The following HIF1A variants were observed in gnomAD, a reference collection of about 807,000 sequenced individuals.
HIF1A encodes the protein hypoxia-inducible factor 1-alpha.
In HIF1A, 24 loss-of-function variants were observed where a neutral mutation model predicts 92.7. The ratio of observed to expected loss-of-function variants is 0.26; its 90% CI spans 0.19 to 0.36. The LOEUF (loss-of-function observed/expected upper bound fraction) is 0.36. Ranked by LOEUF, HIF1A falls within the 10% of genes least tolerant of loss-of-function variation. The pLI, the probability that HIF1A is intolerant of heterozygous loss-of-function variation, is 1.00. For synonymous variants in HIF1A, 319 were observed against 338.7 expected, an observed-to-expected ratio of 0.94 and a Z score of 0.64; for missense variants, 799 against 998.5, an observed-to-expected ratio of 0.80 and a Z score of 2.69.
At chr14:61,730,165 G>A (rs1468401873) in intron 6 of HIF1A, among the ~76,000 whole-genome samples, 1 of 152,118 alleles carries the variant, frequency 6.6e-6, no homozygotes, top group African/African-American at 2.4e-5. Context: ...TTTAGATCAT[G>A]GGTTTCCTAG....
At chr14:61,697,766 T>G in intron 1 of HIF1A, 1 of 1,431,832 alleles carries the variant, frequency 7.0e-7, no homozygotes, top group Non-Finnish European at 9.1e-7. Context: ...GATGACCTTT[T>G]CTAACTAATT....
At chr14:61,709,700 A>G (rs189990809) in intron 1 of HIF1A, among the ~76,000 whole-genome samples, 12 of 152,302 alleles carry the variant, frequency 7.9e-5, no homozygotes. Flanking sequence ...GAAACAAACC[A>G]TTTCATCTGT....
chr14:61,732,372 C>A, intron 6 of HIF1A, 46 bp from the exon 7 acceptor site: 1 of 1,277,566 alleles, frequency 7.8e-7, no homozygotes, highest in Non-Finnish European at 1.1e-6. Flanking sequence ...TTTTCTTTAT[C>A]AGTGTCTCCC....
chr14:61,721,842 T>C lies in HIF1A; in HGVS notation c.457+19T>C. ...AGAAATGGTAAGAAAAGTCTGTTGT[T>C]TGATTTAATGTGACAGGTGGTTTTA... On this transcript the variant is annotated intron_variant, in intron 4 of 14. Coordinates refer to ENST00000337138, the MANE Select transcript of HIF1A (RefSeq NM_001530.4). The C allele has an allele frequency of 1.9e-6, 3 of 1,563,596 alleles. No individual in the cohort carries two copies. The highest frequency in any genetic ancestry group is 1.8e-6 in the Non-Finnish European group (2 of 1,134,608).
In HIF1A at chr14:61,721,604, G is replaced by A; in HGVS notation, c.322G>A (p.Asp108Asn). 6.2e-7 allele frequency: 1 copy of A among 1,613,184 alleles called. No homozygotes were observed. The highest frequency in any genetic ancestry group is 8.5e-7 in the Non-Finnish European group (1 of 1,179,282). The change falls in exon 3 of 15, where the codon GAC becomes AAC. Residue 108 changes from aspartate to asparagine, a missense_variant. Coordinates refer to ENST00000337138, the MANE Select transcript of HIF1A (RefSeq NM_001530.4). ...GFVMVLTDDGDMIYISDNVNK... is the reference protein window; with the variant it reads ...GFVMVLTDDGNMIYISDNVNK... ...TGTTATGGTTCTCACAGATGATGGT[G>A]ACATGATTTACATTTCTGATAATGT...
chr14:61,729,697 T>A (rs535749101), intron 6 of HIF1A, among the ~76,000 whole-genome samples: 1 of 151,966 alleles, frequency 6.6e-6, no homozygotes, highest in Non-Finnish European at 1.5e-5. Flanking sequence ...TTTGAAAACT[T>A]AAGGTAACAA....
rs2044322150 is a variant in HIF1A, at chr14:61,712,748, G to T, written c.36-7634G>T. 3.3e-5 allele frequency among the ~76,000 whole-genome samples: 5 copies of T among 151,468 alleles called. No homozygotes were observed. The South Asian group carries it at 1.0e-3, about 32-fold the overall frequency. ...AAAAAGAATGTTGAAAGGGCAGTCA[G>T]CTTTTCCTGTGCCAGAAATCAAAGT... On this transcript the variant is annotated intron_variant, in intron 1 of 14. Transcript: ENST00000337138.
At chr14:61,738,974 C>T (rs1594885183) in intron 10 of HIF1A, among the ~76,000 whole-genome samples, 1 of 152,088 alleles carries the variant, frequency 6.6e-6, no homozygotes, top group South Asian at 2.1e-4. Context: ...TGGTTTTAAA[C>T]TCCTGGGCTC....
chr14:61,711,103 G>A (rs7156573), intron 1 of HIF1A, among the ~76,000 whole-genome samples: 142,483 of 151,100 alleles, frequency 0.94, 67,667 homozygotes, highest in Non-Finnish European at 1. Flanking sequence ...TGAAAACTTC[G>A]TGACAGCACT....
At chr14:61,740,441 T>G in intron 10 of HIF1A, 64 bp from the exon 11 acceptor site, 2 of 1,249,914 alleles carry the variant, frequency 1.6e-6, no homozygotes, top group South Asian at 1.6e-5. Context: ...GTTTGAAAAT[T>G]CTGACAACTA....
rs1484907411 is a variant in HIF1A, at chr14:61,738,369, C to G, written c.1532C>G (p.Pro511Arg). The change falls in exon 10 of 15, where the codon CCT becomes CGT. Residue 511 changes from proline to arginine, a missense_variant. Coordinates refer to ENST00000337138, the MANE Select transcript of HIF1A (RefSeq NM_001530.4). The stretch of plus-strand genomic sequence containing the variant: ...GATGGAAGCACTAGACAAAGTTCAC[C>G]TGAGGTAGGTGTCATGATATAATCA... The part of the protein sequence containing the change: ...PSDGSTRQSS[P>R]EPNSPSEYCF... 1 of 1,598,676 alleles carries G rather than the reference C, an allele frequency of 6.3e-7. No homozygotes were observed. The highest frequency in any genetic ancestry group is 8.5e-7 in the Non-Finnish European group (1 of 1,172,154).
chr14:61,716,039 A>G (rs2044359933), intron 1 of HIF1A, among the ~76,000 whole-genome samples: 1 of 152,192 alleles, frequency 6.6e-6, no homozygotes, highest in African/African-American at 2.4e-5. Flanking sequence ...AAAAATGCCA[A>G]CTGAAGAGTG....
chr14:61,700,570 C>T (rs1169545514), intron 1 of HIF1A, among the ~76,000 whole-genome samples: 1 of 152,184 alleles, frequency 6.6e-6, no homozygotes, highest in Non-Finnish European at 1.5e-5. Context: ...TGGGTTGCTT[C>T]CACATCTTGG....
chr14:61,715,022 G>A lies in HIF1A; in HGVS notation c.36-5360G>A, dbSNP rs576510638. Among the ~76,000 whole-genome samples, 7 of 151,798 alleles carry A rather than the reference G, an allele frequency of 4.6e-5. No homozygotes were observed. The East Asian group carries it at 1.4e-3, about 29-fold the overall frequency. On this transcript the variant is annotated intron_variant, in intron 1 of 14. Coordinates refer to ENST00000337138, the MANE Select transcript of HIF1A (RefSeq NM_001530.4). ...GCACTCCAGTCTGGGCAACAAGGGT[G>A]AAATGCCGTCTCAGGAAAAAAAAAA...
chr14:61,701,141 A>G (rs1193870015), intron 1 of HIF1A, among the ~76,000 whole-genome samples: 2 of 152,212 alleles, frequency 1.3e-5, no homozygotes, highest in Non-Finnish European at 1.5e-5. Flanking sequence ...GAAATAATGT[A>G]TTTTTATTAA....
At chr14:61,699,592 A>G (rs933797183) in intron 1 of HIF1A, among the ~76,000 whole-genome samples, 2 of 152,070 alleles carry the variant, frequency 1.3e-5, no homozygotes, top group Admixed American at 6.5e-5. Context: ...AATTTTTTAA[A>G]TTTAGATACT....
Position 61,730,080 on chromosome 14 carries a change from C to T in HIF1A, c.774-2338C>T, listed in dbSNP as rs75273443. ...ATTATTCAACACTTTATTTGAGCAT[C>T]TACTATGTTCATGGCACTAAAGTAG... On this transcript the variant is annotated intron_variant, in intron 6 of 14. Transcript: ENST00000337138. Among the ~76,000 whole-genome samples the T allele has an allele frequency of 8.9e-3, 1,354 of 152,228 alleles. 18 individuals carry two copies. The highest frequency in any genetic ancestry group is 0.03 in the African/African-American group (1,266 of 41,524).
In HIF1A at chr14:61,727,627, G is replaced by A; in HGVS notation, c.745G>A (p.Asp249Asn). The change falls in exon 6 of 15, where the codon GAT (aspartate) becomes AAT (asparagine). Residue 249 changes from aspartate to asparagine, a missense_variant. Coordinates refer to ENST00000337138, the MANE Select transcript of HIF1A (RefSeq NM_001530.4). Reference sequence around the variant, plus strand: ...GACTTTCCTCAGTCGACACAGCCTGGATATGAAATTTTCTTATTGTGATGA... The same window carrying A: ...GACTTTCCTCAGTCGACACAGCCTGAATATGAAATTTTCTTATTGTGATGA... ...SKTFLSRHSL[D>N]MKFSYCDERI... is the part of the protein sequence containing the mutation. The A allele has an allele frequency of 6.2e-7, 1 of 1,613,172 alleles. No homozygotes were observed. Among genetic ancestry groups the A allele is most frequent in the Non-Finnish European group, 8.5e-7 (1 of 1,179,264 alleles).
rs2044800445 is a variant in HIF1A at position 61,746,941 on chromosome 14, A to T, written c.2337A>T (p.Ala779=). The stretch of plus-strand genomic sequence containing the variant: ...ATCTCTTTTGTTTTTCAGATTTAGC[A>T]TGTAGACTGCTGGGGCAATCAATGG... ...KTIILIPSDL[A]CRLLGQSMDE... Residue 779 remains alanine (A), a synonymous_variant, in exon 15 of 15, where the codon GCA becomes GCT. Transcript: ENST00000337138. 1 of 1,602,798 alleles carries T rather than the reference A, an allele frequency of 6.2e-7. No individual in the cohort carries two copies. Among genetic ancestry groups the T allele is most frequent in the Non-Finnish European group, 8.5e-7 (1 of 1,176,836 alleles).
Sources: gnomAD v4.1 joint callset for allele counts (sites outside exome capture counted in the v4.1 genomes callset) on GRCh38, gnomAD v4.1.1 for gene constraint, MANE v1.5 for transcripts, NCBI Gene and HGNC (gene_info 2026-07-23, HGNC 2026-07-21) for gene names.